SF3B3: variants seen among roughly 807,000 people sequenced by gnomAD.
SF3B3 encodes the protein splicing factor 3b subunit 3.
SF3B3 carries 33 observed loss-of-function variants against 139.2 expected under a neutral mutation model. The ratio of observed to expected loss-of-function variants is 0.24; its 90% CI spans 0.18 to 0.32. SF3B3 has a LOEUF of 0.32. SF3B3 is among the 10% of genes least tolerant of loss of function. The pLI is 1.00. For synonymous variants in SF3B3, 596 were observed against 563.6 expected (o/e 1.06, Z -0.81); for missense variants, 818 against 1,509.4 (o/e 0.54, Z 7.59).
At chr16:70,569,359 T>C (rs1417925722) in intron 23 of SF3B3, among the ~76,000 whole-genome samples, 1 of 152,204 alleles carries the variant, frequency 6.6e-6, no homozygotes, top group Non-Finnish European at 1.5e-5. Flanking sequence ...CTGAGGTGTG[T>C]CCTGGGCTTT....
intron 21 of SF3B3, 36 bp downstream of exon 21, chr16:70,567,572 A>G (rs1242709740): frequency 1.3e-6 from 2 of 1,598,910 alleles, no homozygotes; most frequent in Non-Finnish European, 1.7e-6. Context: ...GATCTAGCTC[A>G]TGTGTCAAGG....
At chr16:70,540,389 T>TTGG (rs2050208411) in intron 8 of SF3B3, among the ~76,000 whole-genome samples, 1 of 151,770 alleles carries the variant, frequency 6.6e-6, no homozygotes, top group Non-Finnish European at 1.5e-5. Flanking sequence ...TGGGGTTTTT[T>TTGG]TTGGTTGTTT....
intron 20 of SF3B3, among the ~76,000 whole-genome samples, chr16:70,566,432 G>C (rs1253826355): frequency 6.6e-6 from 1 of 151,606 alleles, no homozygotes; most frequent in East Asian, 2.0e-4. Flanking sequence ...CATGGTGGTG[G>C]GCGCCTGTAA....
chr16:70,561,573 C>T, intron 16 of SF3B3, 57 bp from the exon 17 acceptor site: 1 of 1,520,384 alleles, frequency 6.6e-7, no homozygotes, highest in Non-Finnish European at 9.1e-7. Flanking sequence ...TCAGCTTATA[C>T]CATATTTGTA....
At position 70,564,012 on chromosome 16, in the gene SF3B3, G is replaced by A; in HGVS notation, c.2425G>A (p.Glu809Lys). The A allele has an allele frequency of 6.2e-7, 1 of 1,614,110 alleles. No individual in the cohort carries two copies. Among genetic ancestry groups the A allele is most frequent in the Non-Finnish European group, 8.5e-7 (1 of 1,180,018 alleles). ...IIETDHNAYT[E>K]ATKAQRKQQM... is the part of the protein sequence containing the mutation. Reference sequence around the variant, plus strand: ...TGAAACGGACCACAATGCCTACACTGAGGCCACGAAAGCTCAGAGAAAGCA... The same window carrying A: ...TGAAACGGACCACAATGCCTACACTAAGGCCACGAAAGCTCAGAGAAAGCA... Residue 809 changes from glutamate (E) to lysine (K), a missense_variant, in exon 18 of 26, where the codon GAG becomes AAG. Transcript: ENST00000302516.
intron 21 of SF3B3, among the ~76,000 whole-genome samples, chr16:70,567,817 C>G (rs1450300359): frequency 6.6e-6 from 1 of 152,200 alleles, no homozygotes; most frequent in Non-Finnish European, 1.5e-5. Flanking sequence ...TCCCAAGTAG[C>G]TGGGATTACA....
intron 11 of SF3B3, among the ~76,000 whole-genome samples, chr16:70,549,541 C>T (rs1256206470): frequency 6.6e-6 from 1 of 152,188 alleles, no homozygotes; most frequent in Non-Finnish European, 1.5e-5. Context: ...AAAGCATTGC[C>T]TAGACTGTTT....
chr16:70,555,859 CACAG>C (rs751866842), intron 13 of SF3B3, among the ~76,000 whole-genome samples: 1 of 152,186 alleles, frequency 6.6e-6, no homozygotes, highest in Non-Finnish European at 1.5e-5. Context: ...TCTTGTAAAA[CACAG>C]ACAGTTTTAT....
chr16:70,523,959 C>T (rs1031169023), intron 1 of SF3B3, 31 bp downstream of exon 1: 15 of 420,634 alleles, frequency 3.6e-5, no homozygotes, highest in Admixed American at 2.1e-4. Context: ...CTTCCCCGGG[C>T]CCGGGGAGGC....
At chr16:70,556,807 A>G in intron 14 of SF3B3, 79 bp from the exon 15 acceptor site, 1 of 1,531,266 alleles carries the variant, frequency 6.5e-7, no homozygotes, top group Non-Finnish European at 9.0e-7. Context: ...TTTCAATCCT[A>G]GAATTAGATT....
In SF3B3 at chr16:70,567,520, G is replaced by A. The variant is rs2050488170; in HGVS notation, c.2936G>A (p.Arg979Gln). 2 of 1,613,592 alleles carry A rather than the reference G, an allele frequency of 1.2e-6. No individual in the cohort carries two copies. The highest frequency in any genetic ancestry group is 1.3e-5 in the African/African-American group (1 of 74,898). The change falls in exon 21 of 26, where the codon CGA becomes CAA. Residue 979 changes from arginine (R) to glutamine (Q), a missense_variant. Coordinates refer to ENST00000302516, the MANE Select transcript of SF3B3 (RefSeq NM_012426.5). ...VYDLGKKKLL[R>Q]KCENKHIANY... ...GACCTGGGAAAGAAGAAGTTACTCCGAAAATGTGAGAATAAGGTAAGTGTG... is the reference window on the plus strand; with the variant it reads ...GACCTGGGAAAGAAGAAGTTACTCCAAAAATGTGAGAATAAGGTAAGTGTG...
At chr16:70,533,790 A>G (rs1294210090) in intron 5 of SF3B3, among the ~76,000 whole-genome samples, 1 of 152,244 alleles carries the variant, frequency 6.6e-6, no homozygotes, top group East Asian at 1.9e-4. Flanking sequence ...ATAAAAATAA[A>G]GGACAGCACT....
rs908776351 is a variant in SF3B3 at position 70,571,950 on chromosome 16, T to C, written c.*137T>C. 24 of 1,049,714 alleles carry C rather than the reference T, an allele frequency of 2.3e-5. No homozygotes were observed. In the South Asian group the frequency reaches 3.7e-4, roughly 16 times the overall value. The allele number at this position is 1,049,714 out of a possible 1,614,324, so 65.0% of individuals were successfully genotyped here. A position where few individuals can be genotyped will look rare whatever the true frequency, so the allele number is the denominator to read the frequency against. On this transcript the variant is annotated 3_prime_UTR_variant, in exon 26 of 26. Coordinates refer to ENST00000302516, the MANE Select transcript of SF3B3 (RefSeq NM_012426.5). ...CTGCATTATGAAAGTCAACAGCTCT[T>C]TCCCCTCAGCTCTTCTCCTGGAATG...
intron 1 of SF3B3, among the ~76,000 whole-genome samples, chr16:70,526,107 G>A (rs1459377983): frequency 1.3e-5 from 2 of 151,800 alleles, no homozygotes. Context: ...TTATGAGGAC[G>A]TTTACTCATA....
intron 10 of SF3B3, among the ~76,000 whole-genome samples, chr16:70,546,746 C>T (rs1393100659): frequency 2.6e-5 from 4 of 152,170 alleles, no homozygotes; most frequent in South Asian, 4.1e-4. Flanking sequence ...CTTCTCTCCC[C>T]ACTTCAAATC....
chr16:70,553,368 C>T (rs2050346980), intron 11 of SF3B3, among the ~76,000 whole-genome samples: 1 of 152,080 alleles, frequency 6.6e-6, no homozygotes. Context: ...GTGGACCAGC[C>T]CTGTGGCATT....
intron 16 of SF3B3, chr16:70,561,242 A>C (rs575763650): frequency 5.6e-5 from 9 of 160,700 alleles, no homozygotes; most frequent in Non-Finnish European, 1.1e-4. Flanking sequence ...GTTGGCCTCG[A>C]ACTCCTGACT....
At chr16:70,547,688 G>A (rs185514343) in intron 10 of SF3B3, among the ~76,000 whole-genome samples, 38 of 152,300 alleles carry the variant, frequency 2.5e-4, no homozygotes, top group African/African-American at 8.9e-4. Flanking sequence ...CCGCCTCCCG[G>A]GTTCAAGCGA....
At chr16:70,565,619 C>T in intron 20 of SF3B3, 95 bp downstream of exon 20, 1 of 1,117,424 alleles carries the variant, frequency 8.9e-7, no homozygotes, top group African/African-American at 1.6e-5. Flanking sequence ...GGGACCAGCT[C>T]CTTGATTCCA....
Sources: gnomAD v4.1 joint callset for allele counts (sites outside exome capture counted in the v4.1 genomes callset) on GRCh38, gnomAD v4.1.1 for gene constraint, MANE v1.5 for transcripts, NCBI Gene and HGNC (gene_info 2026-07-23, HGNC 2026-07-21) for gene names.